Variants in EXOC4 observed in about 807,000 individuals in gnomAD.
The protein encoded by EXOC4 is SEC8-like 1.
A neutral mutation model predicts 107.2 loss-of-function variants in EXOC4; 71 were observed. The observed-to-expected ratio is 0.66, with a 90% confidence interval of 0.55 to 0.81. The LOEUF is 0.81. Ranked by LOEUF, EXOC4 falls within the 30% of genes least tolerant of loss-of-function variation. EXOC4 has a pLI of 0.00. For missense variants in EXOC4, 1,108 were observed against 1,189.6 expected (o/e 0.93, Z 1.01); for synonymous variants, 456 against 441.2 (o/e 1.03, Z -0.42).
At chr7:133,769,486 G>A (rs1796203619) in intron 10 of EXOC4, among the ~76,000 whole-genome samples, 1 of 151,764 alleles carries the variant, frequency 6.6e-6, no homozygotes, top group African/African-American at 2.4e-5. Context: ...CTGGGGTTGT[G>A]TTTGGTTTTT....
chr7:133,687,059 A>C (rs1281317504), intron 10 of EXOC4, among the ~76,000 whole-genome samples: 1 of 150,938 alleles, frequency 6.6e-6, no homozygotes, highest in African/African-American at 2.4e-5. Flanking sequence ...GTGTGATGGA[A>C]TACTACTCAG....
intron 12 of EXOC4, among the ~76,000 whole-genome samples, chr7:133,902,039 A>G (rs1036596469): frequency 7.2e-5 from 11 of 152,210 alleles, no homozygotes; most frequent in African/African-American, 2.4e-4. Flanking sequence ...CATGTGACCT[A>G]TTCTTCGTGA....
chr7:133,859,422 T>C (rs976057093), intron 11 of EXOC4, among the ~76,000 whole-genome samples: 3 of 152,242 alleles, frequency 2.0e-5, no homozygotes, highest in Non-Finnish European at 4.4e-5. Flanking sequence ...GGCTTGAAAG[T>C]ACTGCTGTTT....
intron 14 of EXOC4, among the ~76,000 whole-genome samples, chr7:133,975,627 AT>A (rs1040036365): frequency 1.3e-5 from 2 of 152,108 alleles, no homozygotes; most frequent in African/African-American, 4.8e-5. Flanking sequence ...AGGGAGTGTA[AT>A]TTATGATGAG....
intron 10 of EXOC4, among the ~76,000 whole-genome samples, chr7:133,812,446 G>A (rs1305423931): frequency 6.6e-6 from 1 of 152,124 alleles, no homozygotes; most frequent in Non-Finnish European, 1.5e-5. Flanking sequence ...CCTACTGTAA[G>A]TGTTCCTCTC....
intron 12 of EXOC4, among the ~76,000 whole-genome samples, chr7:133,909,919 A>ATTTTTTTTTTTTTTTTTTTTTTTTTTTT (rs764890539): frequency 4.0e-5 from 3 of 75,478 alleles, no homozygotes; most frequent in African/African-American, 5.7e-5. Context: ...GTTGAGACAG[A>ATTTTTTTTTTTTTTTTTTTTTTTTTTTT]TTTTTTTTTT....
chr7:133,622,999 T>C (rs1400367795), intron 9 of EXOC4, among the ~76,000 whole-genome samples: 3 of 152,124 alleles, frequency 2.0e-5, no homozygotes, highest in Non-Finnish European at 4.4e-5. Context: ...AGCCTCCATT[T>C]TTTCATCTCT....
intron 7 of EXOC4, among the ~76,000 whole-genome samples, chr7:133,383,723 A>T (rs1038943669): frequency 6.6e-6 from 1 of 152,224 alleles, no homozygotes; most frequent in Non-Finnish European, 1.5e-5. Flanking sequence ...TGAGGATTCT[A>T]TACCTTAAAG....
At chr7:134,026,955 A>T in intron 17 of EXOC4, among the ~76,000 whole-genome samples, 1 of 152,202 alleles carries the variant, frequency 6.6e-6, no homozygotes, top group East Asian at 1.9e-4. Context: ...TTGTTACAGT[A>T]TGTTGAACTA....
At chr7:133,743,655 A>ACCAC (rs1795614723) in intron 10 of EXOC4, among the ~76,000 whole-genome samples, 1 of 151,740 alleles carries the variant, frequency 6.6e-6, no homozygotes, top group Non-Finnish European at 1.5e-5. Flanking sequence ...ATTAGTCAAA[A>ACCAC]CCCCCCCATG....
intron 7 of EXOC4, among the ~76,000 whole-genome samples, chr7:133,451,286 G>T (rs1798341437): frequency 6.6e-6 from 1 of 151,518 alleles, no homozygotes; most frequent in African/African-American, 2.4e-5. Context: ...AGATCGTGTT[G>T]GGTATTACCA....
chr7:133,965,694 T>C (rs1353531292), intron 14 of EXOC4, among the ~76,000 whole-genome samples: 1 of 152,212 alleles, frequency 6.6e-6, no homozygotes, highest in Admixed American at 6.5e-5. Flanking sequence ...ATCTCTGTTT[T>C]GGTATCGGTA....
At chr7:133,988,731 A>G (rs1794178081) in intron 14 of EXOC4, among the ~76,000 whole-genome samples, 1 of 152,150 alleles carries the variant, frequency 6.6e-6, no homozygotes, top group South Asian at 2.1e-4. Flanking sequence ...AGACAGCATG[A>G]TATGTTTAGG....
intron 5 of EXOC4, among the ~76,000 whole-genome samples, chr7:133,338,774 A>G (rs1424482982): frequency 3.2e-5 from 4 of 126,260 alleles, no homozygotes; most frequent in African/African-American, 8.8e-5. Flanking sequence ...TTTTTTTCAG[A>G]CAGAGTTTTG....
chr7:133,867,085 C>A (rs982417450), intron 11 of EXOC4, among the ~76,000 whole-genome samples: 2 of 152,196 alleles, frequency 1.3e-5, no homozygotes, highest in Non-Finnish European at 2.9e-5. Flanking sequence ...ACTAGTGCTC[C>A]TCAGTCCAGG....
chr7:133,876,294 G>C (rs1372847163), intron 11 of EXOC4, among the ~76,000 whole-genome samples: 1 of 151,608 alleles, frequency 6.6e-6, no homozygotes, highest in Non-Finnish European at 1.5e-5. Context: ...GGCCCTTTGA[G>C]CAGGAAAATA....
chr7:133,944,154 T>G (rs898700544), intron 14 of EXOC4, among the ~76,000 whole-genome samples: 1 of 152,194 alleles, frequency 6.6e-6, no homozygotes, highest in Non-Finnish European at 1.5e-5. Context: ...AAGTCTATAC[T>G]TAGTTCAGAT....
At chr7:133,739,852 T>C (rs1795527441) in intron 10 of EXOC4, among the ~76,000 whole-genome samples, 1 of 152,134 alleles carries the variant, frequency 6.6e-6, no homozygotes, top group Non-Finnish European at 1.5e-5. Flanking sequence ...CAACCAGGGC[T>C]TTTTCCAACC....
chr7:133,577,581 C>G (rs980673204), intron 9 of EXOC4, among the ~76,000 whole-genome samples: 1 of 152,120 alleles, frequency 6.6e-6, no homozygotes, highest in African/African-American at 2.4e-5. Flanking sequence ...AACCTAGATC[C>G]TCTCATCCTT....
Sources: allele counts gnomAD v4.1 joint callset (sites outside exome capture counted in the v4.1 genomes callset), GRCh38; gene constraint gnomAD v4.1.1; transcripts MANE v1.5; gene names NCBI Gene and HGNC (gene_info 2026-07-23, HGNC 2026-07-21).